Variants in XPO4 observed in about 807,000 individuals in gnomAD.
XPO4 encodes exportin-4.
Under a neutral mutation model 143.0 loss-of-function variants are expected in XPO4, and 39 were observed. The observed-to-expected ratio is 0.27, with a 90% CI of 0.21 to 0.36. XPO4 has a LOEUF of 0.36. Among genes scored for constraint, XPO4 ranks in the 10% least tolerant of loss-of-function variants. The pLI is 1.00. For missense variants in XPO4, 907 were observed against 1,348.0 expected, an observed-to-expected ratio of 0.67 and a Z score of 5.12; for synonymous variants, 439 against 474.0, an observed-to-expected ratio of 0.93 and a Z score of 0.96.
At chr13:20,793,020 C>T (rs907057469) in intron 18 of XPO4, among the ~76,000 whole-genome samples, 1 of 152,050 alleles carries the variant, frequency 6.6e-6, no homozygotes, top group East Asian at 1.9e-4. Flanking sequence ...AAACTCTTGA[C>T]CTTAGGTGAT....
chr13:20,880,794 G>A (rs1031994721), intron 1 of XPO4, among the ~76,000 whole-genome samples: 3 of 151,874 alleles, frequency 2.0e-5, no homozygotes, highest in Admixed American at 2.0e-4. Flanking sequence ...CCATCTCTAC[G>A]AACACATACA....
At position 20,820,765 on chromosome 13, in the gene XPO4, T is replaced by A. The variant is rs75844907; in HGVS notation, c.1173+939A>T. Among the ~76,000 whole-genome samples, 698 of 152,288 alleles carry A rather than the reference T, an allele frequency of 4.6e-3. 9 individuals are homozygous for A. The highest frequency in any genetic ancestry group is 0.015 in the African/African-American group (617 of 41,562). On this transcript the variant is annotated intron_variant, in intron 9 of 22. Coordinates refer to ENST00000255305, the MANE Select transcript of XPO4 (RefSeq NM_022459.5). Reference sequence around the variant, plus strand: ...ATGAAAGTGCCCGATTACATAAACATAATCATTCTCGAGTTCTCTATTCTC... The same window carrying A: ...ATGAAAGTGCCCGATTACATAAACAAAATCATTCTCGAGTTCTCTATTCTC...
At chr13:20,896,655 T>C (rs2060572474) in intron 1 of XPO4, among the ~76,000 whole-genome samples, 1 of 152,194 alleles carries the variant, frequency 6.6e-6, no homozygotes, top group Non-Finnish European at 1.5e-5. Context: ...TTCCGAAATG[T>C]CATATCACCT....
chr13:20,857,087 G>C (rs1202587291), intron 3 of XPO4, among the ~76,000 whole-genome samples: 1 of 152,114 alleles, frequency 6.6e-6, no homozygotes, highest in Non-Finnish European at 1.5e-5. Context: ...ACATACACTT[G>C]AACCATTTAT....
At chr13:20,834,858 G>C (rs531153918) in intron 6 of XPO4, among the ~76,000 whole-genome samples, 10 of 152,090 alleles carry the variant, frequency 6.6e-5, no homozygotes, top group African/African-American at 2.2e-4. Flanking sequence ...CTACTTGGGA[G>C]GCTGAGGCAG....
At position 20,796,275 on chromosome 13, in the gene XPO4, C is replaced by T; in HGVS notation, c.2617-19G>A. On this transcript the variant is annotated intron_variant, in intron 17 of 22. Transcript: ENST00000255305. Reference sequence around the variant, plus strand: ...CTTTGGACTGAAAAAAAAAAAAATGCACAAATTATGCTACTTGGTACACTG... The same window carrying T: ...CTTTGGACTGAAAAAAAAAAAAATGTACAAATTATGCTACTTGGTACACTG... 1 of 1,490,228 alleles carries T rather than the reference C, an allele frequency of 6.7e-7. No individual in the cohort carries two copies. The allele number at this position is 1,490,228 out of a possible 1,614,324, so 92.3% of individuals were successfully genotyped here.
intron 12 of XPO4, 102 bp from the exon 13 acceptor site, chr13:20,807,736 G>T: frequency 1.1e-6 from 1 of 891,546 alleles, no homozygotes; most frequent in Non-Finnish European, 1.5e-6. Flanking sequence ...CATATAAATT[G>T]ATGTAAATTA....
chr13:20,849,419 T>C (rs1400830036), intron 4 of XPO4: 1 of 984,702 alleles, frequency 1.0e-6, no homozygotes, highest in East Asian at 1.1e-4. Flanking sequence ...TGCCTACTGC[T>C]TTCAAAGGAA....
rs2059137567 is a variant in XPO4 at position 20,781,114 on chromosome 13, G to A, written c.*2608C>T. On this transcript the variant is annotated 3_prime_UTR_variant, in exon 23 of 23. Transcript: ENST00000255305. ...CAGTGTCCCTTTGACATATATAAAA[G>A]AGGGCACAAATAATGTTTTTGTTTT... is the stretch of plus-strand genomic sequence containing the variant. The A allele has an allele frequency of 6.6e-6, 1 of 152,054 alleles. No homozygotes were observed. Among genetic ancestry groups the A allele is most frequent in the South Asian group, 2.1e-4 (1 of 4,818 alleles). The allele number at this position is 152,054 out of a possible 1,614,324, so 9.4% of individuals were successfully genotyped here.
At chr13:20,897,598 C>T (rs1466968288) in intron 1 of XPO4, among the ~76,000 whole-genome samples, 1 of 152,166 alleles carries the variant, frequency 6.6e-6, no homozygotes, top group Non-Finnish European at 1.5e-5. Flanking sequence ...CCTCAGCATA[C>T]ACAGCATAGT....
In XPO4 at chr13:20,808,468, T is replaced by A; in HGVS notation, c.1607A>T (p.Tyr536Phe). 1 of 1,570,030 alleles carries A rather than the reference T, an allele frequency of 6.4e-7. No homozygotes were observed. The highest frequency in any genetic ancestry group is 8.7e-7 in the Non-Finnish European group (1 of 1,147,696). The change falls in exon 12 of 23, where the codon TAT becomes TTT. Residue 536 changes from tyrosine to phenylalanine, a missense_variant. Physicochemically the swap from Tyr to Phe is conservative, Grantham distance 22. Coordinates refer to ENST00000255305, the MANE Select transcript of XPO4 (RefSeq NM_022459.5). Reference sequence around the variant, plus strand: ...TAAAATAAGCCAGTGAATATCTTCATAGAGATCATCAAGCATTTTGTTGTC... The same window carrying A: ...TAAAATAAGCCAGTGAATATCTTCAAAGAGATCATCAAGCATTTTGTTGTC... ...TVDNKMLDDL[Y>F]EDIHWLILVT...
Position 20,778,969 on chromosome 13 carries a change from A to G in XPO4, c.*4753T>C, listed in dbSNP as rs1277608909. ...ATTTTATCAACCTGATATTCAGCCT[A>G]TAACTGGCTCAATACATAGCCTTAT... On this transcript the variant is annotated 3_prime_UTR_variant, in exon 23 of 23. Transcript: ENST00000255305. The G allele has an allele frequency of 6.6e-6, 1 of 152,198 alleles. No homozygotes were observed. The highest frequency in any genetic ancestry group is 2.4e-5 in the African/African-American group (1 of 41,448). 9.4% of individuals were successfully genotyped at this position (152,198 alleles called of 1,614,324 possible).
At chr13:20,794,796 G>C (rs1444403954) in intron 18 of XPO4, among the ~76,000 whole-genome samples, 5 of 152,074 alleles carry the variant, frequency 3.3e-5, no homozygotes, top group Non-Finnish European at 5.9e-5. Context: ...CTGACCTGAA[G>C]AAAGTTAGAA....
intron 1 of XPO4, chr13:20,902,426 A>G (rs2060630051): frequency 2.0e-6 from 2 of 985,242 alleles, no homozygotes; most frequent in African/African-American, 3.5e-5. Context: ...ACACCACTAT[A>G]TTCCCACGCC....
chr13:20,866,775 A>C (rs748147354), intron 2 of XPO4, among the ~76,000 whole-genome samples: 1 of 152,236 alleles, frequency 6.6e-6, no homozygotes, highest in African/African-American at 2.4e-5. Flanking sequence ...AAACAAGCTC[A>C]ATCATAACAA....
intron 1 of XPO4, among the ~76,000 whole-genome samples, chr13:20,882,681 A>G (rs1314383913): frequency 6.6e-6 from 1 of 152,080 alleles, no homozygotes; most frequent in Non-Finnish European, 1.5e-5. Flanking sequence ...TGGGGTCAGG[A>G]GTTTGGGACC....
chr13:20,898,572 GA>G (rs201658422), intron 1 of XPO4, among the ~76,000 whole-genome samples: 3 of 146,628 alleles, frequency 2.0e-5, no homozygotes, highest in African/African-American at 5.0e-5. Flanking sequence ...AAAGAAAAAG[GA>G]AAAAAAAAAC....
rs1259779962 is a variant in XPO4 at position 20,819,871 on chromosome 13, C to A, written c.1173+1833G>T. Among the ~76,000 whole-genome samples, 3 of 152,174 alleles carry A rather than the reference C, an allele frequency of 2.0e-5. No individual in the cohort carries two copies. The East Asian group carries it at 5.8e-4, about 29-fold the overall frequency. ...CTCTACTCCCAGCATACAGAAGATA[C>A]AACGGAAACCGCTTGAGGTTGAGAT... is the stretch of plus-strand genomic sequence containing the variant. On this transcript the variant is annotated intron_variant, in intron 9 of 22. Transcript: ENST00000255305.
chr13:20,809,950 C>T lies in XPO4; in HGVS notation c.1191G>A (p.Met397Ile), dbSNP rs1237085276. ...ATTTATCATATGCTTCCATGTATAC[C>T]ATGTCATCTTTATCAAGCTAAAAGA... The part of the protein sequence containing the change: ...ALEEVLDKDD[M>I]VYMEAYDKLL... The change falls in exon 10 of 23, where the codon ATG (methionine) becomes ATA (isoleucine). Residue 397 changes from methionine to isoleucine, a missense_variant. By Grantham distance (10) the Met-to-Ile change is conservative. Coordinates refer to ENST00000255305, the MANE Select transcript of XPO4 (RefSeq NM_022459.5). The T allele has an allele frequency of 6.2e-7, 1 of 1,605,898 alleles. No individual in the cohort carries two copies. The highest frequency in any genetic ancestry group is 8.5e-7 in the Non-Finnish European group (1 of 1,177,006).
Sources: allele counts gnomAD v4.1 joint callset (sites outside exome capture counted in the v4.1 genomes callset), GRCh38; gene constraint gnomAD v4.1.1; transcripts MANE v1.5; gene names NCBI Gene and HGNC (gene_info 2026-07-23, HGNC 2026-07-21).